Variants in IKZF1 observed in about 807,000 individuals in gnomAD.
IKZF1 encodes DNA-binding protein Ikaros.
IKZF1 carries 10 observed loss-of-function variants against 51.7 expected under a neutral mutation model. That is an observed-to-expected ratio of 0.19 (90% CI 0.12 to 0.33). The LOEUF is 0.33. IKZF1 is among the 10% of genes least tolerant of loss of function. The pLI is 1.00. For missense variants in IKZF1, 484 were observed against 707.5 expected, an observed-to-expected ratio of 0.68 and a Z score of 3.58; for synonymous variants, 280 against 282.3, an observed-to-expected ratio of 0.99 and a Z score of 0.08.
At chr7:50,399,427 CAT>C (rs1162736559) in intron 7 of IKZF1, among the ~76,000 whole-genome samples, 7 of 150,850 alleles carry the variant, frequency 4.6e-5, no homozygotes, top group Admixed American at 6.6e-5. Flanking sequence ...AATAATTTAA[CAT>C]ATCACATATT....
chr7:50,345,807 G>A (rs1800211632), intron 3 of IKZF1, among the ~76,000 whole-genome samples: 3 of 152,224 alleles, frequency 2.0e-5, no homozygotes, highest in African/African-American at 7.2e-5. Flanking sequence ...GGAGGCCGAG[G>A]CAGGAGGATC....
At chr7:50,354,950 G>A (rs1802882991) in intron 3 of IKZF1, among the ~76,000 whole-genome samples, 1 of 152,070 alleles carries the variant, frequency 6.6e-6, no homozygotes, top group Non-Finnish European at 1.5e-5. Context: ...CTTTGGGTAG[G>A]AACAATACAT....
In IKZF1 at chr7:50,404,293, T is replaced by G. The variant is rs535010807; in HGVS notation, c.*3666T>G. On this transcript the variant is annotated 3_prime_UTR_variant, in exon 8 of 8. Transcript: ENST00000331340. ...TGTAAATGAGAAATGCAGTCATATT[T>G]CCAGTCTGCCTCTATGATGATGTTA... is the stretch of plus-strand genomic sequence containing the variant. 5 of 223,322 alleles carry G rather than the reference T, an allele frequency of 2.2e-5. No individual in the cohort carries two copies. The highest frequency in any genetic ancestry group is 1.1e-4 in the Admixed American group (2 of 17,440). The allele number at this position is 223,322 out of a possible 1,614,324, so 13.8% of individuals were successfully genotyped here.
chr7:50,363,333 C>A (rs770024396), intron 3 of IKZF1, among the ~76,000 whole-genome samples: 1 of 152,068 alleles, frequency 6.6e-6, no homozygotes, highest in Non-Finnish European at 1.5e-5. Flanking sequence ...ATCCAGGATC[C>A]GGAGCAGTGT....
In IKZF1 at chr7:50,403,813, C is replaced by T. The variant is rs1275037859; in HGVS notation, c.*3186C>T. 3.1e-5 allele frequency: 7 copies of T among 224,916 alleles called. No individual in the cohort carries two copies. Among genetic ancestry groups the T allele is most frequent in the Non-Finnish European group, 6.2e-5 (7 of 112,534 alleles). 13.9% of individuals were successfully genotyped at this position (224,916 alleles called of 1,614,324 possible). ...TGGTTCCCCACCGACCATTTTTGTG[C>T]TTTTTTCTTGTTTTGTTTTGTTTTG... is the stretch of plus-strand genomic sequence containing the variant. On this transcript the variant is annotated 3_prime_UTR_variant, in exon 8 of 8. Transcript: ENST00000331340.
chr7:50,382,730 G>A lies in IKZF1; in HGVS notation c.589+23G>A, dbSNP rs368985788. ...CCGGTAGGTCCCCTGGATGCAGTCC[G>A]GGGCTGTCTGGGTGTCCCGGGATTC... On this transcript the variant is annotated intron_variant, in intron 5 of 7. Coordinates refer to ENST00000331340, the MANE Select transcript of IKZF1 (RefSeq NM_006060.6). 121 of 1,588,748 alleles carry A rather than the reference G, an allele frequency of 7.6e-5. No homozygotes were observed. In the African/African-American group the frequency reaches 1.2e-3, roughly 16 times the overall value.
At chr7:50,351,365 A>G (rs1314193433) in intron 3 of IKZF1, among the ~76,000 whole-genome samples, 2 of 152,186 alleles carry the variant, frequency 1.3e-5, no homozygotes, top group Non-Finnish European at 2.9e-5. Context: ...ATTTCATTTC[A>G]TCATTTCCCA....
chr7:50,340,829 C>G (rs1485665580), intron 3 of IKZF1, among the ~76,000 whole-genome samples: 1 of 152,192 alleles, frequency 6.6e-6, no homozygotes, highest in Admixed American at 6.5e-5. Flanking sequence ...AATTATTGTT[C>G]TGTAGAGAAT....
chr7:50,308,336 T>C (rs867617886), intron 1 of IKZF1, among the ~76,000 whole-genome samples: 68 of 152,346 alleles, frequency 4.5e-4, no homozygotes, highest in Middle Eastern at 6.8e-3. Flanking sequence ...TTGACGTTTT[T>C]CCCTCTCATG....
rs1471063631 is a variant in IKZF1 at position 50,402,179 on chromosome 7, A to G, written c.*1552A>G. ...ATCATTAAGGTCATTACTCTCAACC[A>G]CCTAGGCAATGAAGAATATACCATT... is the stretch of plus-strand genomic sequence containing the variant. On this transcript the variant is annotated 3_prime_UTR_variant, in exon 8 of 8. Coordinates refer to ENST00000331340, the MANE Select transcript of IKZF1 (RefSeq NM_006060.6). 8.7e-6 allele frequency: 2 copies of G among 230,498 alleles called. No individual in the cohort carries two copies. The highest frequency in any genetic ancestry group is 1.1e-4 in the Admixed American group (2 of 17,678). 14.3% of individuals were successfully genotyped at this position (230,498 alleles called of 1,614,324 possible). A position where few individuals can be genotyped will look rare whatever the true frequency, so the allele number is the denominator to read the frequency against.
intron 3 of IKZF1, among the ~76,000 whole-genome samples, chr7:50,335,509 G>A (rs1285836079): frequency 1.4e-5 from 2 of 141,396 alleles, no homozygotes; most frequent in African/African-American, 5.4e-5. Flanking sequence ...ATGTGTGTAT[G>A]GGATGTGTGG....
chr7:50,323,808 A>C (rs556158913), intron 2 of IKZF1, among the ~76,000 whole-genome samples: 1 of 152,338 alleles, frequency 6.6e-6, no homozygotes, highest in East Asian at 1.9e-4. Flanking sequence ...TTACCAAATA[A>C]TACCATAAGT....
At chr7:50,341,391 C>T (rs1327229937) in intron 3 of IKZF1, among the ~76,000 whole-genome samples, 2 of 152,140 alleles carry the variant, frequency 1.3e-5, no homozygotes, top group Non-Finnish European at 2.9e-5. Flanking sequence ...AATCCACCTG[C>T]CTCAGCCTCC....
At chr7:50,317,832 G>A (rs1231247071) in intron 1 of IKZF1, among the ~76,000 whole-genome samples, 1 of 152,186 alleles carries the variant, frequency 6.6e-6, no homozygotes, top group Non-Finnish European at 1.5e-5. Flanking sequence ...CAGCCTAATT[G>A]AGAGGGTAAG....
intron 3 of IKZF1, among the ~76,000 whole-genome samples, chr7:50,339,516 C>A (rs957264944): frequency 2.0e-5 from 3 of 151,700 alleles, no homozygotes; most frequent in African/African-American, 7.3e-5. Context: ...TTTGGGAGGC[C>A]GAGGCAGGCA....
rs1034865696 is a variant in IKZF1 at position 50,383,455 on chromosome 7, A to C, written c.589+748A>C. ...CCTGAGAAATGGTCCTGGGTGTTTC[A>C]TTATCCAGCAGTCCCATAATTCTAC... On this transcript the variant is annotated intron_variant, in intron 5 of 7. Transcript: ENST00000331340. Among the ~76,000 whole-genome samples the C allele has an allele frequency of 3.3e-5, 5 of 152,190 alleles. No homozygotes were observed. In the South Asian group the frequency reaches 1.0e-3, roughly 32 times the overall value.
intron 2 of IKZF1, 120 bp downstream of exon 2, chr7:50,319,221 AC>A: frequency 1.4e-6 from 1 of 701,902 alleles, no homozygotes; most frequent in Non-Finnish European, 2.4e-6. Context: ...AAAAGAAAAG[AC>A]CATGATGGAA....
intron 2 of IKZF1, among the ~76,000 whole-genome samples, chr7:50,325,448 G>A (rs973988962): frequency 5.9e-5 from 9 of 152,036 alleles, no homozygotes; most frequent in South Asian, 2.1e-4. Context: ...AGGTGAAAAC[G>A]CTAAGATATT....
intron 3 of IKZF1, among the ~76,000 whole-genome samples, chr7:50,355,634 TAAATAAATAAATAA>T (rs1220914160): frequency 1.3e-5 from 2 of 149,552 alleles, no homozygotes; most frequent in African/African-American, 5.1e-5. Context: ...AATAAATAAA[TAAATAAATAAATAA>T]ATAAATGGAA....
Sources: gnomAD v4.1 joint callset for allele counts (sites outside exome capture counted in the v4.1 genomes callset) on GRCh38, gnomAD v4.1.1 for gene constraint, MANE v1.5 for transcripts, NCBI Gene and HGNC (gene_info 2026-07-23, HGNC 2026-07-21) for gene names.